EFNB2: variants seen among roughly 807,000 people sequenced by gnomAD.
The protein encoded by EFNB2 is ephrin-B2.
Under a neutral mutation model 32.1 loss-of-function variants are expected in EFNB2, and 5 were observed. The ratio of observed to expected loss-of-function variants is 0.16; its 90% CI spans 0.08 to 0.33. EFNB2 has a LOEUF of 0.33. Among genes scored for constraint, EFNB2 ranks in the 10% least tolerant of loss-of-function variants. The pLI is 1.00. For missense variants in EFNB2, 263 were observed against 422.6 expected (o/e 0.62, Z 3.31); for synonymous variants, 168 against 166.5 (o/e 1.01, Z -0.07).
chr13:106,522,264 G>C (rs914854481), intron 1 of EFNB2, among the ~76,000 whole-genome samples: 1 of 152,198 alleles, frequency 6.6e-6, no homozygotes, highest in East Asian at 1.9e-4. Context: ...ATAACCTTCA[G>C]AGACAAGATG....
intron 1 of EFNB2, among the ~76,000 whole-genome samples, chr13:106,531,367 C>T (rs1432492556): frequency 6.6e-6 from 1 of 152,224 alleles, no homozygotes; most frequent in Non-Finnish European, 1.5e-5. Context: ...AGTTTATCAT[C>T]CTGACAAAAT....
At chr13:106,506,621 G>A (rs2138913981) in intron 2 of EFNB2, 1 of 152,274 alleles carries the variant, frequency 6.6e-6, no homozygotes, top group Non-Finnish European at 1.5e-5. Context: ...CCATTTTATG[G>A]ATGGACTTCA....
intron 2 of EFNB2, among the ~76,000 whole-genome samples, chr13:106,508,164 T>G (rs1879021577): frequency 6.6e-6 from 1 of 152,152 alleles, no homozygotes; most frequent in Admixed American, 6.5e-5. Context: ...CTCATTCAGC[T>G]CTGGGTGTCG....
At chr13:106,533,492 G>A (rs1198009098) in intron 1 of EFNB2, among the ~76,000 whole-genome samples, 1 of 152,272 alleles carries the variant, frequency 6.6e-6, no homozygotes, top group Non-Finnish European at 1.5e-5. Flanking sequence ...CGTATGAGCG[G>A]TGTTGAAAGT....
chr13:106,512,826 A>G lies in EFNB2; in HGVS notation c.123-14T>C, dbSNP rs1185928293. 2 of 1,543,396 alleles carry G rather than the reference A, an allele frequency of 1.3e-6. No individual in the cohort carries two copies. The highest frequency in any genetic ancestry group is 2.0e-5 in the Admixed American group (1 of 50,130). On this transcript the variant is annotated splice_polypyrimidine_tract_variant and intron_variant, in intron 1 of 4. Coordinates refer to ENST00000646441, the MANE Select transcript of EFNB2 (RefSeq NM_004093.4). ...CCAGGTAGAAATCTAAAAGCATAAG[A>G]AAAAAAAGCCATTGAGTTGATAAAA...
At chr13:106,516,016 G>A (rs1879300558) in intron 1 of EFNB2, 1 of 152,164 alleles carries the variant, frequency 6.6e-6, no homozygotes, top group African/African-American at 2.4e-5. Flanking sequence ...CACCCAAGGG[G>A]CTGACACAGA....
rs1555325555 is a variant in EFNB2, at chr13:106,528,480, A to AC, written c.122+6362_122+6363insG. 7.1e-3 allele frequency among the ~76,000 whole-genome samples: 1,050 copies of AC among 148,348 alleles called. 13 individuals are homozygous for AC. The highest frequency in any genetic ancestry group is 0.025 in the African/African-American group (1,004 of 40,618). On this transcript the variant is annotated intron_variant, in intron 1 of 4. Transcript: ENST00000646441. ...CCCTATGCTGCTCTTTAAAAAAAAA[A>AC]AACAACAACAACAACAAAAAAACAG... is the stretch of plus-strand genomic sequence containing the variant.
chr13:106,506,651 G>A (rs569115902), intron 2 of EFNB2: 1 of 152,286 alleles, frequency 6.6e-6, no homozygotes, highest in South Asian at 2.1e-4. Context: ...AGCTTTTGGG[G>A]TCCATCCTCT....
Position 106,501,143 on chromosome 13 carries a change from T to C in EFNB2, c.407-5303A>G, listed in dbSNP as rs569467429. On this transcript the variant is annotated intron_variant, in intron 2 of 4. Transcript: ENST00000646441. ...ATTCAATTTCTGAAACTCAAATTAA[T>C]GTAGTTGAATGCCTTGAGTTTCACA... Among the ~76,000 whole-genome samples, 23 of 152,334 alleles carry C rather than the reference T, an allele frequency of 1.5e-4. No individual in the cohort carries two copies. In the South Asian group the frequency reaches 3.5e-3, roughly 23 times the overall value.
chr13:106,493,407 C>T lies in EFNB2; in HGVS notation c.635G>A (p.Ser212Asn). Residue 212 changes from serine (S) to asparagine (N), a missense_variant, in exon 5 of 5, where the codon AGC becomes AAC. This residue lies in a region of EFNB2 where 172 missense variants were observed against 237.1 expected (regional missense o/e 0.73). Coordinates refer to ENST00000646441, the MANE Select transcript of EFNB2 (RefSeq NM_004093.4). This position sits in a 1 kb window ranked among gnomAD's most constrained non-coding sequence, Gnocchi z 6.1. Reference protein sequence around the residue: ...PNPGSSTDGNSAGHSGNNILG... With the variant: ...PNPGSSTDGNNAGHSGNNILG... Reference sequence around the variant, plus strand: ...GATGTTGTTCCCCGAATGTCCGGCGCTGTTGCCGTCTGTGCTAGAACCTGC... The same window carrying T: ...GATGTTGTTCCCCGAATGTCCGGCGTTGTTGCCGTCTGTGCTAGAACCTGC... 6.2e-7 allele frequency: 1 copy of T among 1,612,768 alleles called. No individual in the cohort carries two copies. The highest frequency in any genetic ancestry group is 8.5e-7 in the Non-Finnish European group (1 of 1,179,104).
intron 2 of EFNB2, chr13:106,506,279 G>A (rs1036711589): frequency 6.6e-6 from 1 of 152,136 alleles, no homozygotes; most frequent in East Asian, 1.9e-4. Context: ...TACCACATTA[G>A]GATGCTACTA....
chr13:106,522,571 C>A (rs1778498184), intron 1 of EFNB2, among the ~76,000 whole-genome samples: 1 of 152,158 alleles, frequency 6.6e-6, no homozygotes, highest in African/African-American at 2.4e-5. Flanking sequence ...TGAAAAAACT[C>A]AAAGAAATGG....
At chr13:106,500,218 G>A (rs1296351215) in intron 2 of EFNB2, among the ~76,000 whole-genome samples, 1 of 152,188 alleles carries the variant, frequency 6.6e-6, no homozygotes, top group Non-Finnish European at 1.5e-5. Context: ...TCTGCTCCCA[G>A]GAGGCTAAGC....
rs1229478016 is a variant in EFNB2 at position 106,492,548 on chromosome 13, T to C, written c.*492A>G. 1 of 157,956 alleles carries C rather than the reference T, an allele frequency of 6.3e-6. No homozygotes were observed. Among genetic ancestry groups the C allele is most frequent in the Non-Finnish European group, 1.4e-5 (1 of 71,074 alleles). 9.8% of individuals were successfully genotyped at this position (157,956 alleles called of 1,614,324 possible). A position where few individuals can be genotyped will look rare whatever the true frequency, so the allele number is the denominator to read the frequency against. On this transcript the variant is annotated 3_prime_UTR_variant, in exon 5 of 5. Transcript: ENST00000646441. The surrounding 1 kb of genome is among the most constrained non-coding windows in gnomAD (Gnocchi z 5.1). ...CTGGGTAACAGAACGAGTGAGACAG[T>C]AAGGACTAAACTCTAGAGATCTTTG... is the stretch of plus-strand genomic sequence containing the variant.
chr13:106,529,772 A>G (rs1324689641), intron 1 of EFNB2, among the ~76,000 whole-genome samples: 1 of 152,238 alleles, frequency 6.6e-6, no homozygotes, highest in African/African-American at 2.4e-5. Flanking sequence ...TTTTATTGCC[A>G]TACAATCAGA....
chr13:106,511,324 T>C (rs1471582950), intron 2 of EFNB2, among the ~76,000 whole-genome samples: 1 of 152,144 alleles, frequency 6.6e-6, no homozygotes, highest in Non-Finnish European at 1.5e-5. Context: ...TGCTTTGAAG[T>C]GTAGCTCTTG....
intron 1 of EFNB2, 106 bp downstream of exon 1, chr13:106,534,737 G>T: frequency 7.4e-7 from 1 of 1,357,100 alleles, no homozygotes; most frequent in Non-Finnish European, 9.9e-7. Context: ...GGGAACCGAG[G>T]TTCCAGAAAC....
intron 1 of EFNB2, among the ~76,000 whole-genome samples, chr13:106,528,608 CTTCCAAAGTGTGGAGACT>C (rs1280921323): frequency 6.6e-6 from 1 of 152,190 alleles, no homozygotes; most frequent in African/African-American, 2.4e-5. Context: ...AGTTCAGACT[CTTCCAAAGTGTGGAGACT>C]TTCCTGTAAT....
chr13:106,523,871 T>C (rs538825348), intron 1 of EFNB2, among the ~76,000 whole-genome samples: 1 of 152,188 alleles, frequency 6.6e-6, no homozygotes, highest in South Asian at 2.1e-4. Context: ...GACTAGACTC[T>C]AAAAAAGATG....
Sources: allele counts gnomAD v4.1 joint callset (sites outside exome capture counted in the v4.1 genomes callset), GRCh38; gene constraint gnomAD v4.1.1; regional missense constraint gnomAD v4.1.1; non-coding constraint Gnocchi (gnomAD v3.1); transcripts MANE v1.5; gene names NCBI Gene and HGNC (gene_info 2026-07-23, HGNC 2026-07-21).